The following TXNDC17 variants were observed in gnomAD, a reference collection of about 807,000 sequenced individuals.
TXNDC17 encodes thioredoxin domain-containing protein 17.
A neutral mutation model predicts 16.3 loss-of-function variants in TXNDC17; 12 were observed. The observed-to-expected ratio is 0.74, with a 90% CI of 0.47 to 1.19. The LOEUF is 1.19. Among genes scored for constraint, TXNDC17 ranks in the 50% most tolerant of loss-of-function variants. The pLI is 0.00. For synonymous variants in TXNDC17, 62 were observed against 55.0 expected (o/e 1.13, Z -0.56); for missense variants, 158 against 149.7 (o/e 1.06, Z -0.29).
Position 6,644,377 on chromosome 17 carries a change from G to C in TXNDC17, c.*1358G>C. 1 of 1,420,472 alleles carries C rather than the reference G, an allele frequency of 7.0e-7. No homozygotes were observed. The highest frequency in any genetic ancestry group is 9.3e-7 in the Non-Finnish European group (1 of 1,071,930). The allele number at this position is 1,420,472 out of a possible 1,614,324, so 88.0% of individuals were successfully genotyped here. A position where few individuals can be genotyped will look rare whatever the true frequency, so the allele number is the denominator to read the frequency against. ...TCTAGGGGCTACCATAATAAAGGTA[G>C]ATAGGAAGAGTTTTCATTTTTTTTG... is the stretch of plus-strand genomic sequence containing the variant. On this transcript the variant is annotated 3_prime_UTR_variant, in exon 4 of 4. Coordinates refer to ENST00000250101, the MANE Select transcript of TXNDC17 (RefSeq NM_032731.4).
chr17:6,641,232 G>T lies in TXNDC17; in HGVS notation c.145+5G>T. ...GGTGCCCCGACTGCGTGCAGGGTGA[G>T]GCCGGGATTCGGGGGCTGCTGTCCA... On this transcript the variant is annotated splice_donor_5th_base_variant and intron_variant, in intron 1 of 3. Transcript: ENST00000250101. The T allele has an allele frequency of 6.2e-7, 1 of 1,613,368 alleles. No homozygotes were observed. Among genetic ancestry groups the T allele is most frequent in the Non-Finnish European group, 8.5e-7 (1 of 1,179,946 alleles).
chr17:6,641,543 CA>C, intron 1 of TXNDC17: 1 of 643,010 alleles, frequency 1.6e-6, no homozygotes, highest in South Asian at 1.9e-5. Context: ...CGCGGTGGTG[CA>C]GGGGCAAATC....
At chr17:6,641,613 A>T in intron 1 of TXNDC17, 140 bp from the exon 2 acceptor site, 1 of 818,400 alleles carries the variant, frequency 1.2e-6, no homozygotes, top group Non-Finnish European at 2.0e-6. Context: ...GGAACACCTG[A>T]CTTGTGTTGA....
chr17:6,641,392 A>G (rs774193275), intron 1 of TXNDC17, 165 bp downstream of exon 1: 16 of 1,024,992 alleles, frequency 1.6e-5, no homozygotes, highest in Non-Finnish European at 2.2e-5. Flanking sequence ...CCGCCCTGCC[A>G]AGAGCGCTCT....
chr17:6,642,652 C>T (rs1972706513), intron 3 of TXNDC17: 1 of 453,534 alleles, frequency 2.2e-6, no homozygotes, highest in Non-Finnish European at 3.9e-6. Flanking sequence ...TCAGTCATGC[C>T]CCTGGGATCC....
Position 6,643,321 on chromosome 17 carries a change from G to C in TXNDC17, c.*302G>C, listed in dbSNP as rs1176220495. 1.7e-5 allele frequency: 4 copies of C among 236,124 alleles called. No individual in the cohort carries two copies. The highest frequency in any genetic ancestry group is 2.5e-5 in the Non-Finnish European group (3 of 121,892). The allele number at this position is 236,124 out of a possible 1,614,324, so 14.6% of individuals were successfully genotyped here. On this transcript the variant is annotated 3_prime_UTR_variant, in exon 4 of 4. Transcript: ENST00000250101. ...AGCACACCTTCCAAATCTCTCAAAA[G>C]ATCAGTATCTTTTATTTTAAGTTAT...
chr17:6,642,584 C>A, intron 3 of TXNDC17: 1 of 457,532 alleles, frequency 2.2e-6, no homozygotes, highest in South Asian at 3.6e-5. Context: ...TTTGCATCAA[C>A]AGTTGTTTTC....
In TXNDC17 at chr17:6,644,357, G is replaced by T; in HGVS notation, c.*1338G>T. On this transcript the variant is annotated 3_prime_UTR_variant, in exon 4 of 4. Coordinates refer to ENST00000250101, the MANE Select transcript of TXNDC17 (RefSeq NM_032731.4). Reference sequence around the variant, plus strand: ...TGAAAAAGCACACTAAAGGTTCTAGGGGCTACCATAATAAAGGTAGATAGG... The same window carrying T: ...TGAAAAAGCACACTAAAGGTTCTAGTGGCTACCATAATAAAGGTAGATAGG... 1.6e-6 allele frequency: 2 copies of T among 1,284,816 alleles called. No homozygotes were observed. The highest frequency in any genetic ancestry group is 2.5e-5 in the East Asian group (1 of 39,538). The allele number at this position is 1,284,816 out of a possible 1,614,324, so 79.6% of individuals were successfully genotyped here.
At chr17:6,641,271 G>C (rs1167828616) in intron 1 of TXNDC17, 44 bp downstream of exon 1, 1 of 1,608,558 alleles carries the variant, frequency 6.2e-7, no homozygotes, top group Non-Finnish European at 8.5e-7. Context: ...GAAATGGCAG[G>C]AAGGTCGAGC....
At position 6,641,213 on chromosome 17, in the gene TXNDC17, C is replaced by A; in HGVS notation, c.131C>A (p.Pro44His). ...SKDAGGKSWCPDCVQAEPVVR... is the reference protein window; with the variant it reads ...SKDAGGKSWCHDCVQAEPVVR... ...GACGCCGGGGGGAAAAGCTGGTGCCCCGACTGCGTGCAGGGTGAGGCCGGG... is the reference window on the plus strand; with the variant it reads ...GACGCCGGGGGGAAAAGCTGGTGCCACGACTGCGTGCAGGGTGAGGCCGGG... Residue 44 changes from proline (P) to histidine (H), a missense_variant, in exon 1 of 4, where the codon CCC becomes CAC. Physicochemically the swap from Pro to His is moderately conservative, Grantham distance 77. Transcript: ENST00000250101. The A allele has an allele frequency of 1.9e-6, 3 of 1,613,526 alleles. No individual in the cohort carries two copies. The highest frequency in any genetic ancestry group is 1.7e-6 in the Non-Finnish European group (2 of 1,180,012).
At position 6,644,369 on chromosome 17, in the gene TXNDC17, TAAAG is replaced by T; in HGVS notation, c.*1351_*1354del. 1 of 1,395,108 alleles carries T rather than the reference TAAAG, an allele frequency of 7.2e-7. No individual in the cohort carries two copies. The highest frequency in any genetic ancestry group is 1.6e-5 in the South Asian group (1 of 60,660). 86.4% of individuals were successfully genotyped at this position (1,395,108 alleles called of 1,614,324 possible). On this transcript the variant is annotated 3_prime_UTR_variant, in exon 4 of 4. Transcript: ENST00000250101. ...CTAAAGGTTCTAGGGGCTACCATAA[TAAAG>T]GTAGATAGGAAGAGTTTTCATTTTT...
At position 6,641,759 on chromosome 17, in the gene TXNDC17, C is replaced by G. The variant is rs1216897447; in HGVS notation, c.152C>G (p.Pro51Arg). ...ATCTCAACTTTTTTTAAAGCTGAAC[C>G]AGTCGTACGAGAGGGGCTGAAGCAC... ...SWCPDCVQAE[P>R]VVREGLKHIS... Residue 51 changes from proline (P) to arginine (R), a missense_variant, in exon 2 of 4, where the codon CCA becomes CGA. By Grantham distance (103) the Pro-to-Arg change is moderately radical. Coordinates refer to ENST00000250101, the MANE Select transcript of TXNDC17 (RefSeq NM_032731.4). 6.2e-7 allele frequency: 1 copy of G among 1,614,036 alleles called. No individual in the cohort carries two copies. Among genetic ancestry groups the G allele is most frequent in the East Asian group, 2.2e-5 (1 of 44,884 alleles).
Position 6,641,062 on chromosome 17 carries a change from T to A in TXNDC17, c.-21T>A. 6.2e-7 allele frequency: 1 copy of A among 1,608,810 alleles called. No individual in the cohort carries two copies. Among genetic ancestry groups the A allele is most frequent in the Non-Finnish European group, 8.5e-7 (1 of 1,178,344 alleles). ...GGCGACCGGACGTGCACTCCTCCAG[T>A]AGCGGCTGCACGTCGTGCCAATGGC... is the stretch of plus-strand genomic sequence containing the variant. On this transcript the variant is annotated 5_prime_UTR_variant, in exon 1 of 4. Transcript: ENST00000250101.
chr17:6,642,558 A>G (rs528861724), intron 3 of TXNDC17: 1 of 486,180 alleles, frequency 2.1e-6, no homozygotes, highest in Admixed American at 3.9e-5. Context: ...AGGTTGACTC[A>G]TAATTCCTTA....
At chr17:6,641,439 A>G (rs1330223779) in intron 1 of TXNDC17, 2 of 724,804 alleles carry the variant, frequency 2.8e-6, no homozygotes, top group Non-Finnish European at 4.4e-6. Context: ...CTTGGAATCT[A>G]GTTCCTTAAA....
At position 6,641,751 on chromosome 17, in the gene TXNDC17, AGCTGAACCAGTCGTACGAGAGGG is replaced by A; in HGVS notation, c.151_173del (p.Pro51AlafsTer3). On this transcript the variant is annotated splice_acceptor_variant and coding_sequence_variant, in exon 2 of 4. Transcript: ENST00000250101. LOFTEE classifies it high-confidence loss of function. ...ATTATTTTATCTCAACTTTTTTTAAAGCTGAACCAGTCGTACGAGAGGGGCTGAAGCACATTAGTGAAGGATGT... is the reference window on the plus strand; with the variant it reads ...ATTATTTTATCTCAACTTTTTTTAAAGCTGAAGCACATTAGTGAAGGATGT... 1 of 1,614,106 alleles carries A rather than the reference AGCTGAACCAGTCGTACGAGAGGG, an allele frequency of 6.2e-7. No homozygotes were observed.
Position 6,642,339 on chromosome 17 carries a change from A to C in TXNDC17, c.303+15A>C, listed in dbSNP as rs755423824. The C allele has an allele frequency of 6.5e-7, 1 of 1,544,584 alleles. No homozygotes were observed. The highest frequency in any genetic ancestry group is 8.9e-7 in the Non-Finnish European group (1 of 1,127,510). On this transcript the variant is annotated intron_variant, in intron 3 of 3. Transcript: ENST00000250101. ...AGTATGGAACAGTAAGTATCTTTAA[A>C]TATGCTGGGCCTGTAATTCACTGTC...
Position 6,641,953 on chromosome 17 carries a change from C to G in TXNDC17, c.227+119C>G, listed in dbSNP as rs992670667. On this transcript the variant is annotated intron_variant, in intron 2 of 3. Coordinates refer to ENST00000250101, the MANE Select transcript of TXNDC17 (RefSeq NM_032731.4). The stretch of plus-strand genomic sequence containing the variant: ...ACAAGGTAATGTCTGACAAGTTAAA[C>G]AATTAGAAGCTATTAAATACAAATT... 17 of 892,292 alleles carry G rather than the reference C, an allele frequency of 1.9e-5. No individual in the cohort carries two copies. In the South Asian group the frequency reaches 2.5e-4, roughly 13 times the overall value. 55.3% of individuals were successfully genotyped at this position (892,292 alleles called of 1,614,324 possible). A position where few individuals can be genotyped will look rare whatever the true frequency, so the allele number is the denominator to read the frequency against.
intron 3 of TXNDC17, 82 bp downstream of exon 3, chr17:6,642,406 C>A: frequency 1.0e-6 from 1 of 978,056 alleles, no homozygotes; most frequent in Non-Finnish European, 1.6e-6. Context: ...TTGAAAAGAT[C>A]TTGACATTTC....
Sources: gnomAD v4.1 joint callset for allele counts on GRCh38, gnomAD v4.1.1 for gene constraint, MANE v1.5 for transcripts, NCBI Gene and HGNC (gene_info 2026-07-23, HGNC 2026-07-21) for gene names.